The following COBLL1 variants were observed in gnomAD, a reference collection of about 807,000 sequenced individuals.
The protein encoded by COBLL1 is cordon-bleu WH2 repeat protein like 1.
COBLL1 carries 50 observed loss-of-function variants against 94.8 expected under a neutral mutation model. That is an observed-to-expected ratio of 0.53 (90% CI 0.42 to 0.67). The LOEUF is 0.67. Ranked by LOEUF, COBLL1 falls within the 30% of genes least tolerant of loss-of-function variation. The pLI, the probability that COBLL1 is intolerant of heterozygous loss-of-function variation, is 0.00. For synonymous variants in COBLL1, 448 were observed against 473.8 expected (o/e 0.95, Z 0.71); for missense variants, 1,362 against 1,348.7 (o/e 1.01, Z -0.15).
chr2:164,823,388 A>G (rs921950551), intron 2 of COBLL1, among the ~76,000 whole-genome samples: 3 of 152,140 alleles, frequency 2.0e-5, no homozygotes, highest in Non-Finnish European at 2.9e-5. Flanking sequence ...TTCAAACCCA[A>G]TCCTCTACAA....
intron 2 of COBLL1, among the ~76,000 whole-genome samples, chr2:164,803,508 T>C (rs1320479772): frequency 6.6e-6 from 1 of 150,544 alleles, no homozygotes; most frequent in African/African-American, 2.4e-5. Flanking sequence ...GAGCTTGCAG[T>C]GAGCCGAGAT....
At chr2:164,772,478 AT>A (rs1461295675) in intron 2 of COBLL1, among the ~76,000 whole-genome samples, 1 of 152,080 alleles carries the variant, frequency 6.6e-6, no homozygotes, top group African/African-American at 2.4e-5. Flanking sequence ...TAATTTGAAC[AT>A]TAAGAATCTC....
Position 164,766,937 on chromosome 2 carries a change from A to C in COBLL1, c.42-23062T>G, listed in dbSNP as rs188967220. Reference sequence around the variant, plus strand: ...TTGATTATGATTAAAACAGTATAATAACCACAAGCCTCTACTTTTCCATTG... The same window carrying C: ...TTGATTATGATTAAAACAGTATAATCACCACAAGCCTCTACTTTTCCATTG... On this transcript the variant is annotated intron_variant, in intron 2 of 13. Transcript: ENST00000652658. Among the ~76,000 whole-genome samples, 183 of 152,352 alleles carry C rather than the reference A, an allele frequency of 1.2e-3. 1 individual carries two copies. Among genetic ancestry groups the C allele is most frequent in the Non-Finnish European group, 2.0e-3 (135 of 68,030 alleles).
At position 164,694,472 on chromosome 2, in the gene COBLL1, A is replaced by G. The variant is rs777142656; in HGVS notation, c.2920T>C (p.Phe974Leu). 13 of 1,613,834 alleles carry G rather than the reference A, an allele frequency of 8.1e-6. No individual in the cohort carries two copies. The highest frequency in any genetic ancestry group is 4.5e-5 in the East Asian group (2 of 44,868). The stretch of plus-strand genomic sequence containing the variant: ...CTTGAGTATGGTCGTGGGGCACCAA[A>G]AGTTTTCAAAGTCTTCAGATTTTGT... Reference protein sequence around the residue: ...STQNLKTLKTFGAPRPYSSSG... With the variant: ...STQNLKTLKTLGAPRPYSSSG... Residue 974 changes from phenylalanine (F) to leucine (L), a missense_variant, in exon 12 of 14, where the codon TTT (phenylalanine) becomes CTT (leucine). Phe to Leu is a conservative substitution (Grantham distance 22). Transcript: ENST00000652658.
chr2:164,832,429 T>C (rs1245226112), intron 2 of COBLL1, among the ~76,000 whole-genome samples: 2 of 152,212 alleles, frequency 1.3e-5, no homozygotes, highest in East Asian at 1.9e-4. Context: ...TAAAGACATA[T>C]TCTGATGCCT....
chr2:164,737,550 T>C (rs1558967885), intron 3 of COBLL1, among the ~76,000 whole-genome samples: 2 of 152,204 alleles, frequency 1.3e-5, no homozygotes, highest in African/African-American at 2.4e-5. Context: ...AAGCATCTTA[T>C]ATAGTTAAAC....
intron 2 of COBLL1, among the ~76,000 whole-genome samples, chr2:164,815,350 G>A (rs964225185): frequency 6.6e-6 from 1 of 150,828 alleles, no homozygotes; most frequent in Non-Finnish European, 1.5e-5. Context: ...AGTGAGCCGA[G>A]GTCATGCTAC....
chr2:164,769,596 C>T (rs1216724163), intron 2 of COBLL1, among the ~76,000 whole-genome samples: 7 of 152,162 alleles, frequency 4.6e-5, no homozygotes, highest in South Asian at 2.1e-4. Context: ...CGGTGGCTCA[C>T]GCCTGTAACC....
chr2:164,782,708 A>T (rs902330282), intron 2 of COBLL1, among the ~76,000 whole-genome samples: 14 of 152,224 alleles, frequency 9.2e-5, no homozygotes, highest in African/African-American at 2.7e-4. Flanking sequence ...TAATAAAAAC[A>T]GCCAGATATT....
chr2:164,751,971 A>C (rs1350448468), intron 2 of COBLL1, among the ~76,000 whole-genome samples: 1 of 152,166 alleles, frequency 6.6e-6, no homozygotes, highest in East Asian at 1.9e-4. Context: ...ATCAGAAAAG[A>C]ATAATCTAAT....
chr2:164,776,173 T>A (rs1688454267), intron 2 of COBLL1, among the ~76,000 whole-genome samples: 1 of 151,398 alleles, frequency 6.6e-6, no homozygotes, highest in South Asian at 2.1e-4. Flanking sequence ...TCCAATCTCT[T>A]CCACAAAACT....
chr2:164,786,445 G>A (rs1688959476), intron 2 of COBLL1, among the ~76,000 whole-genome samples: 1 of 152,144 alleles, frequency 6.6e-6, no homozygotes, highest in South Asian at 2.1e-4. Flanking sequence ...ATGAACTTGA[G>A]ATGTTGAAGT....
chr2:164,840,624 A>T (rs948125112), intron 2 of COBLL1: 1 of 152,552 alleles, frequency 6.6e-6, no homozygotes, highest in Non-Finnish European at 1.5e-5. Flanking sequence ...ACAGGCACAC[A>T]CACCCCCAAT....
At chr2:164,718,646 T>C (rs1288704366) in intron 7 of COBLL1, among the ~76,000 whole-genome samples, 5 of 152,142 alleles carry the variant, frequency 3.3e-5, no homozygotes, top group African/African-American at 1.2e-4. Context: ...TAGAATAACA[T>C]ATAAAACCTA....
chr2:164,839,371 T>C (rs185537072), intron 2 of COBLL1, among the ~76,000 whole-genome samples: 4 of 141,804 alleles, frequency 2.8e-5, no homozygotes, highest in Admixed American at 1.5e-4. Flanking sequence ...GGTGAGAGGA[T>C]TGCTTGAAGC....
At chr2:164,718,284 G>A (rs1489113467) in intron 7 of COBLL1, 3 of 979,922 alleles carry the variant, frequency 3.1e-6, no homozygotes, top group Non-Finnish European at 3.6e-6. Flanking sequence ...TAACAATGCT[G>A]CAAGCATTAA....
intron 11 of COBLL1, chr2:164,697,868 T>A (rs1434001804): frequency 6.6e-6 from 1 of 152,044 alleles, no homozygotes; most frequent in Non-Finnish European, 1.5e-5. Context: ...TTTCCAAGAA[T>A]GGCCAGTAGA....
At chr2:164,763,612 ATCCACTTGATAAAG>A (rs1460305189) in intron 2 of COBLL1, among the ~76,000 whole-genome samples, 3 of 152,348 alleles carry the variant, frequency 2.0e-5, no homozygotes, top group Admixed American at 6.5e-5. Flanking sequence ...ATTATGGTAC[ATCCACTTGATAAAG>A]TATTATGCAA....
At chr2:164,796,215 T>C (rs1158310244) in intron 2 of COBLL1, among the ~76,000 whole-genome samples, 1 of 152,144 alleles carries the variant, frequency 6.6e-6, no homozygotes, top group African/African-American at 2.4e-5. Flanking sequence ...TACTTGAAGG[T>C]TACGGGGCAT....
Sources: allele counts gnomAD v4.1 joint callset (sites outside exome capture counted in the v4.1 genomes callset), GRCh38; gene constraint gnomAD v4.1.1; transcripts MANE v1.5; gene names NCBI Gene and HGNC (gene_info 2026-07-23, HGNC 2026-07-21).